The following PARD3 variants were observed in gnomAD, a reference collection of about 807,000 sequenced individuals.
PARD3 encodes par-3 family cell polarity regulator.
PARD3 carries 75 observed loss-of-function variants against 155.4 expected under a neutral mutation model. That is an observed-to-expected ratio of 0.48 (90% confidence interval 0.40 to 0.58). The LOEUF (loss-of-function observed/expected upper bound fraction) is 0.58. PARD3 is among the 20% of genes least tolerant of loss of function. The pLI, the probability that PARD3 is intolerant of heterozygous loss-of-function variation, is 0.00. For missense variants in PARD3, 1,642 were observed against 1,721.7 expected (o/e 0.95, Z 0.82); for synonymous variants, 576 against 610.5 (o/e 0.94, Z 0.83).
chr10:34,180,768 C>T (rs992347277), intron 22 of PARD3, among the ~76,000 whole-genome samples: 21 of 152,086 alleles, frequency 1.4e-4, no homozygotes, highest in African/African-American at 5.1e-4. Context: ...GAAACAACTG[C>T]CCTCGTGTCT....
intron 2 of PARD3, among the ~76,000 whole-genome samples, chr10:34,572,711 G>A (rs1470432015): frequency 6.6e-6 from 1 of 150,896 alleles, no homozygotes; most frequent in Non-Finnish European, 1.5e-5. Flanking sequence ...TAGTGACTAA[G>A]TTAATTTTTG....
At chr10:34,521,285 T>C (rs1055048872) in intron 2 of PARD3, among the ~76,000 whole-genome samples, 1 of 148,286 alleles carries the variant, frequency 6.7e-6, no homozygotes, top group African/African-American at 2.5e-5. Flanking sequence ...GGTCCCAATA[T>C]GAAATAATTT....
chr10:34,682,192 A>G (rs957618404), intron 2 of PARD3, among the ~76,000 whole-genome samples: 7 of 152,164 alleles, frequency 4.6e-5, no homozygotes, highest in Non-Finnish European at 1.0e-4. Context: ...GTGCCCTTGA[A>G]AAGAAGTATC....
chr10:34,344,299 T>C, intron 15 of PARD3: 1 of 614,472 alleles, frequency 1.6e-6, no homozygotes, highest in Non-Finnish European at 1.9e-6. Flanking sequence ...TTTTTTTTTT[T>C]GGATATGGAG....
chr10:34,657,282 C>T (rs2133110840), intron 2 of PARD3, among the ~76,000 whole-genome samples: 1 of 151,756 alleles, frequency 6.6e-6, no homozygotes, highest in East Asian at 1.9e-4. Flanking sequence ...CACTTTCAAA[C>T]ATTTCATAGT....
At chr10:34,494,776 C>T (rs149221264) in intron 3 of PARD3, among the ~76,000 whole-genome samples, 98 of 152,094 alleles carry the variant, frequency 6.4e-4, no homozygotes, top group African/African-American at 2.1e-3. Context: ...ATTGTTGTTC[C>T]CCTAATCCCC....
chr10:34,504,477 T>C (rs185678004), intron 3 of PARD3, among the ~76,000 whole-genome samples: 3 of 148,772 alleles, frequency 2.0e-5, no homozygotes, highest in Non-Finnish European at 4.5e-5. Flanking sequence ...AGGCAATAAA[T>C]TGACAAATAA....
At chr10:34,183,821 A>T (rs1950369226) in intron 22 of PARD3, among the ~76,000 whole-genome samples, 1 of 151,978 alleles carries the variant, frequency 6.6e-6, no homozygotes, top group Non-Finnish European at 1.5e-5. Flanking sequence ...TTGCCTATTA[A>T]ACTTTGCCCT....
chr10:34,421,820 A>T (rs1397273019), intron 5 of PARD3, among the ~76,000 whole-genome samples: 1 of 152,212 alleles, frequency 6.6e-6, no homozygotes, highest in Non-Finnish European at 1.5e-5. Flanking sequence ...AATTGTATGT[A>T]TGCTAGTGCT....
At chr10:34,221,119 T>TGGAG (rs1245737615) in intron 22 of PARD3, among the ~76,000 whole-genome samples, 1 of 152,212 alleles carries the variant, frequency 6.6e-6, no homozygotes, top group African/African-American at 2.4e-5. Context: ...AACCCAAGCA[T>TGGAG]GGAGGGGCTC....
At chr10:34,694,744 C>A (rs573828197) in intron 2 of PARD3, among the ~76,000 whole-genome samples, 5 of 152,134 alleles carry the variant, frequency 3.3e-5, no homozygotes, top group Non-Finnish European at 7.4e-5. Flanking sequence ...ACAAATTCCA[C>A]CATGACAGGT....
intron 5 of PARD3, among the ~76,000 whole-genome samples, chr10:34,448,205 T>TA (rs1463797211): frequency 6.6e-6 from 1 of 150,770 alleles, no homozygotes; most frequent in African/African-American, 2.4e-5. Context: ...CAGCCTTTAA[T>TA]AAAAAAGGAC....
intron 3 of PARD3, among the ~76,000 whole-genome samples, chr10:34,484,461 T>C (rs1200768994): frequency 1.3e-5 from 2 of 152,242 alleles, no homozygotes; most frequent in African/African-American, 4.8e-5. Flanking sequence ...ATAGGCAATC[T>C]TTTGACAGGA....
intron 5 of PARD3, among the ~76,000 whole-genome samples, chr10:34,430,699 G>C (rs1945324130): frequency 6.6e-6 from 1 of 152,178 alleles, no homozygotes; most frequent in African/African-American, 2.4e-5. Context: ...CTTTTTCTGG[G>C]TCAAGACCAT....
chr10:34,411,730 A>G (rs556598968), intron 5 of PARD3, among the ~76,000 whole-genome samples: 1 of 120,288 alleles, frequency 8.3e-6, no homozygotes, highest in South Asian at 3.0e-4. Flanking sequence ...AGACATACAT[A>G]TCTAGATAGA....
In PARD3 at chr10:34,348,128, G is replaced by A. The variant is rs1462306745; in HGVS notation, c.2068-13C>T. 11 of 1,584,696 alleles carry A rather than the reference G, an allele frequency of 6.9e-6. No individual in the cohort carries two copies. Among genetic ancestry groups the A allele is most frequent in the African/African-American group, 5.4e-5 (4 of 73,774 alleles). ...CAGGTGACTTCAGCTACAGAGTAACGGGTATGGGGGCAAAGAAAAATCAGT... is the reference window on the plus strand; with the variant it reads ...CAGGTGACTTCAGCTACAGAGTAACAGGTATGGGGGCAAAGAAAAATCAGT... On this transcript the variant is annotated splice_polypyrimidine_tract_variant and intron_variant, in intron 14 of 24. Coordinates refer to ENST00000374788, the MANE Select transcript of PARD3 (RefSeq NM_001184785.2).
At chr10:34,184,507 G>A (rs1002657830) in intron 22 of PARD3, among the ~76,000 whole-genome samples, 1 of 152,088 alleles carries the variant, frequency 6.6e-6, no homozygotes, top group African/African-American at 2.4e-5. Flanking sequence ...CACAAGCCGG[G>A]GGGTATTATA....
At chr10:34,552,825 A>G (rs1370016231) in intron 2 of PARD3, among the ~76,000 whole-genome samples, 3 of 152,362 alleles carry the variant, frequency 2.0e-5, no homozygotes, top group East Asian at 3.9e-4. Flanking sequence ...GGACTGAAAA[A>G]AACACTTAAA....
intron 2 of PARD3, among the ~76,000 whole-genome samples, chr10:34,598,482 G>T (rs1356590099): frequency 2.0e-5 from 3 of 152,112 alleles, no homozygotes; most frequent in Admixed American, 6.6e-5. Context: ...TTCAATTACT[G>T]TTACACTGTA....
Sources: gnomAD v4.1 joint callset for allele counts (sites outside exome capture counted in the v4.1 genomes callset) on GRCh38, gnomAD v4.1.1 for gene constraint, MANE v1.5 for transcripts, NCBI Gene and HGNC (gene_info 2026-07-23, HGNC 2026-07-21) for gene names.